Variants in ZNF93 observed in about 807,000 individuals in gnomAD.
ZNF93 encodes the protein zinc finger protein 505.
In ZNF93, 29 loss-of-function variants were observed where a neutral mutation model predicts 45.0. That is an observed-to-expected ratio of 0.64 (90% CI 0.48 to 0.88). The LOEUF (loss-of-function observed/expected upper bound fraction) is 0.88, where lower values mean the gene tolerates loss of function less well. Among genes scored for constraint, ZNF93 ranks in the 40% least tolerant of loss-of-function variants. The pLI is 0.00. For synonymous variants in ZNF93, 223 were observed against 244.6 expected, an observed-to-expected ratio of 0.91 and a Z score of 0.82; for missense variants, 578 against 724.0, an observed-to-expected ratio of 0.80 and a Z score of 2.31.
Position 19,933,928 on chromosome 19 carries a change from T to C in ZNF93, c.973T>C (p.Ser325Pro). 6.2e-7 allele frequency: 1 copy of C among 1,612,260 alleles called. No individual in the cohort carries two copies. The highest frequency in any genetic ancestry group is 8.5e-7 in the Non-Finnish European group (1 of 1,179,410). The change falls in exon 4 of 4, where the codon TCC becomes CCC. Residue 325 changes from serine (S) to proline (P), a missense_variant. Ser to Pro is a moderately conservative substitution (Grantham distance 74). Around this residue, in one of 3 missense-constraint regions of ZNF93, gnomAD observed 446 missense variants for 547.6 expected, o/e 0.81. Coordinates refer to ENST00000343769, the MANE Select transcript of ZNF93 (RefSeq NM_031218.4). Reference protein sequence around the residue: ...CEECGKAFKYSRILTTHKRIH... With the variant: ...CEECGKAFKYPRILTTHKRIH... ...AGAATGTGGCAAAGCCTTTAAGTAC[T>C]CCCGTATCCTTACTACACATAAGAG...
chr19:19,930,444 A>T (rs767760067), intron 3 of ZNF93, among the ~76,000 whole-genome samples: 1 of 152,098 alleles, frequency 6.6e-6, no homozygotes, highest in Admixed American at 6.5e-5. Context: ...GTGGAGGAGT[A>T]GAGTCTTCTC....
Position 19,916,633 on chromosome 19 carries a change from T to G in ZNF93, c.204T>G (p.His68Gln). Residue 68 changes from histidine to glutamine, a missense_variant, in exon 3 of 4, where the codon CAT becomes CAG. Transcript: ENST00000343769. ...QGKKPLTMKRHEMVANPSVIC... is the reference protein window; with the variant it reads ...QGKKPLTMKRQEMVANPSVIC... ...AAAAACCTTTGACTATGAAGAGACA[T>G]GAGATGGTAGCCAACCCCTCAGGTA... 1 of 1,611,606 alleles carries G rather than the reference T, an allele frequency of 6.2e-7. No individual in the cohort carries two copies. The highest frequency in any genetic ancestry group is 1.1e-5 in the South Asian group (1 of 90,766).
rs369664419 is a variant in ZNF93, at chr19:19,901,191, C to T, written c.3+100C>T. The T allele has an allele frequency of 1.3e-4, 208 of 1,571,916 alleles. 5 individuals are homozygous for T. The South Asian group carries it at 2.3e-3, about 17-fold the overall frequency. On this transcript the variant is annotated intron_variant, in intron 1 of 3. Transcript: ENST00000343769. ...ACTCAGGTATCCCCTTAGTCAGCTC[C>T]ACAATCTGCGCCGGAGTTCTTGCCC...
At chr19:19,911,379 A>G (rs1222051114) in intron 1 of ZNF93, among the ~76,000 whole-genome samples, 4 of 152,244 alleles carry the variant, frequency 2.6e-5, no homozygotes, top group Admixed American at 6.5e-5. Context: ...TCTCAGTGTA[A>G]GAGAAATGAG....
At position 19,933,809 on chromosome 19, in the gene ZNF93, AC is replaced by A. The variant is rs1203545022; in HGVS notation, c.855del (p.Tyr285Ter). On this transcript the variant is annotated frameshift_variant, in exon 4 of 4. Coordinates refer to ENST00000343769, the MANE Select transcript of ZNF93 (RefSeq NM_031218.4). LOFTEE classifies it high-confidence loss of function. ...AAAATTCATACTGGAGAGAAACCCT[AC>A]AAATGTGAAGAATGTGGCAAAGCTT... Reference protein sequence around the residue: ...HKKIHTGEKPYKCEECGKAFN... With the variant: ...HKKIHTGEKPXKCEECGKAFN... 3 of 1,613,190 alleles carry A rather than the reference AC, an allele frequency of 1.9e-6. No individual in the cohort carries two copies. Among genetic ancestry groups the A allele is most frequent in the East Asian group, 4.5e-5 (2 of 44,834 alleles).
At chr19:19,930,644 T>A (rs1300088137) in intron 3 of ZNF93, among the ~76,000 whole-genome samples, 1 of 150,762 alleles carries the variant, frequency 6.6e-6, no homozygotes, top group Non-Finnish European at 1.5e-5. Context: ...GCTCTCACTC[T>A]TGTCTTCTGG....
intron 1 of ZNF93, chr19:19,908,321 A>G (rs1382141051): frequency 6.6e-6 from 1 of 152,208 alleles, no homozygotes; most frequent in African/African-American, 2.4e-5. Context: ...ACCCCCATTC[A>G]ATGGCTAGAA....
intron 2 of ZNF93, 34 bp downstream of exon 2, chr19:19,915,440 A>T: frequency 6.3e-6 from 10 of 1,581,622 alleles, no homozygotes; most frequent in Non-Finnish European, 8.5e-6. Flanking sequence ...TTCATAATAC[A>T]CCCTAAAGGT....
chr19:19,922,177 G>A (rs1378308202), intron 3 of ZNF93, among the ~76,000 whole-genome samples: 1 of 152,154 alleles, frequency 6.6e-6, no homozygotes, highest in Non-Finnish European at 1.5e-5. Flanking sequence ...TGTCTGTAAA[G>A]GATTTTATTT....
intron 1 of ZNF93, among the ~76,000 whole-genome samples, chr19:19,913,858 G>A (rs1599568036): frequency 6.6e-6 from 1 of 152,138 alleles, no homozygotes. Flanking sequence ...GTAAACATGT[G>A]TCAGATGAAG....
chr19:19,904,989 A>C (rs2063288476), intron 1 of ZNF93, among the ~76,000 whole-genome samples: 1 of 152,148 alleles, frequency 6.6e-6, no homozygotes, highest in Non-Finnish European at 1.5e-5. Flanking sequence ...AGAATTCACA[A>C]GTGTCTACAA....
At position 19,934,467 on chromosome 19, in the gene ZNF93, T is replaced by G. The variant is rs1172936628; in HGVS notation, c.1512T>G (p.Thr504=). The G allele has an allele frequency of 4.3e-6, 7 of 1,613,202 alleles. No homozygotes were observed. In the East Asian group the frequency reaches 1.6e-4, roughly 36 times the overall value. Residue 504 remains threonine, a synonymous_variant, in exon 4 of 4, where the codon ACT becomes ACG. Coordinates refer to ENST00000343769, the MANE Select transcript of ZNF93 (RefSeq NM_031218.4). ...TTACTAAACATAAGAAAATTCATAC[T>G]GGAGAGAAACCCTACAAATGTGAAG... ...SSLTKHKKIH[T]GEKPYKCEEC...
intron 1 of ZNF93, among the ~76,000 whole-genome samples, chr19:19,913,739 A>G (rs776428964): frequency 3.9e-5 from 6 of 152,112 alleles, no homozygotes; most frequent in African/African-American, 9.7e-5. Context: ...CATGTGGTAC[A>G]CCTTTAAAGG....
At chr19:19,913,755 T>C (rs1160721708) in intron 1 of ZNF93, among the ~76,000 whole-genome samples, 1 of 152,102 alleles carries the variant, frequency 6.6e-6, no homozygotes, top group Admixed American at 6.6e-5. Context: ...AAAGGCATAT[T>C]CTCCAGATGC....
At chr19:19,929,961 A>AAAAG (rs2063368286) in intron 3 of ZNF93, among the ~76,000 whole-genome samples, 1 of 148,342 alleles carries the variant, frequency 6.7e-6, no homozygotes, top group African/African-American at 2.5e-5. Flanking sequence ...AAAAAAAAAA[A>AAAAG]AGAGATTGTA....
Position 19,934,758 on chromosome 19 carries a change from C to G in ZNF93, c.1803C>G (p.Ala601=). 1.9e-6 allele frequency: 3 copies of G among 1,609,122 alleles called. No individual in the cohort carries two copies. The highest frequency in any genetic ancestry group is 2.5e-6 in the Non-Finnish European group (3 of 1,177,944). ...ACGAGTGTGATAAATGTGGCAAAGC[C>G]TTTATTTCACCCTCAAGCCTTAGTA... The part of the protein sequence containing the change: ...KPYECDKCGK[A]FISPSSLSRH... Residue 601 remains alanine, a synonymous_variant, in exon 4 of 4, where the codon GCC becomes GCG. Coordinates refer to ENST00000343769, the MANE Select transcript of ZNF93 (RefSeq NM_031218.4).
chr19:19,917,688 G>C (rs2063328537), intron 3 of ZNF93, among the ~76,000 whole-genome samples: 1 of 152,000 alleles, frequency 6.6e-6, no homozygotes, highest in Non-Finnish European at 1.5e-5. Flanking sequence ...GGCTAATTTT[G>C]TATTTTTAGT....
At chr19:19,906,707 T>C (rs576286745) in intron 1 of ZNF93, among the ~76,000 whole-genome samples, 3 of 152,202 alleles carry the variant, frequency 2.0e-5, no homozygotes, top group African/African-American at 7.2e-5. Flanking sequence ...TTTTTGTATA[T>C]GATGTAATGA....
At chr19:19,911,335 G>T (rs1440672734) in intron 1 of ZNF93, among the ~76,000 whole-genome samples, 1 of 152,178 alleles carries the variant, frequency 6.6e-6, no homozygotes, top group African/African-American at 2.4e-5. Flanking sequence ...GCAGAATTTT[G>T]TCAGGCTGAC....
Sources: allele counts gnomAD v4.1 joint callset (sites outside exome capture counted in the v4.1 genomes callset), GRCh38; gene constraint gnomAD v4.1.1; regional missense constraint gnomAD v4.1.1; transcripts MANE v1.5; gene names NCBI Gene and HGNC (gene_info 2026-07-23, HGNC 2026-07-21).